MARS2: variants seen among roughly 807,000 people sequenced by gnomAD.
MARS2 encodes the protein methionyl-tRNA synthetase 2, mitochondrial.
MARS2 carries 33 observed loss-of-function variants against 43.8 expected under a neutral mutation model. The ratio of observed to expected loss-of-function variants is 0.75; its 90% CI spans 0.57 to 1.01. The LOEUF is 1.01. MARS2 is among the 50% of genes least tolerant of loss of function. MARS2 has a pLI of 0.00. For synonymous variants in MARS2, 351 were observed against 325.5 expected (o/e 1.08, Z -0.84); for missense variants, 720 against 763.0 (o/e 0.94, Z 0.66).
chr2:197,706,645 A>G lies in MARS2; in HGVS notation c.1240A>G (p.Arg414Gly). Residue 414 changes from arginine (R) to glycine (G), a missense_variant, in exon 1 of 1, where the codon AGA (arginine) becomes GGA (glycine). By Grantham distance (125) the Arg-to-Gly change is moderately radical. Coordinates refer to ENST00000282276, the MANE Select transcript of MARS2 (RefSeq NM_138395.4). ...GGLLNRCTAK[R>G]INPSETYPAF... ...TCTCTTGAACCGATGCACTGCCAAA[A>G]GAATAAATCCTTCTGAGACCTACCC... is the stretch of plus-strand genomic sequence containing the variant. 6.2e-7 allele frequency: 1 copy of G among 1,614,246 alleles called. No individual in the cohort carries two copies. Among genetic ancestry groups the G allele is most frequent in the South Asian group, 1.1e-5 (1 of 91,084 alleles).
Position 197,706,185 on chromosome 2 carries a change from C to A in MARS2, c.780C>A (p.Ser260Arg), listed in dbSNP as rs2089473898. 6.2e-7 allele frequency: 1 copy of A among 1,614,240 alleles called. No individual in the cohort carries two copies. The highest frequency in any genetic ancestry group is 8.5e-7 in the Non-Finnish European group (1 of 1,180,040). ...LPDLSVSRRS[S>R]HLHWGIPVPG... ...ACCTGTCCGTGTCTCGCAGAAGTAGCCACTTGCACTGGGGCATTCCGGTGC... is the reference window on the plus strand; with the variant it reads ...ACCTGTCCGTGTCTCGCAGAAGTAGACACTTGCACTGGGGCATTCCGGTGC... Residue 260 changes from serine to arginine, a missense_variant, in exon 1 of 1, where the codon AGC (serine) becomes AGA (arginine). Physicochemically the swap from Ser to Arg is moderately radical, Grantham distance 110 (BLOSUM62 -1). Coordinates refer to ENST00000282276, the MANE Select transcript of MARS2 (RefSeq NM_138395.4).
In MARS2 at chr2:197,708,174, G is replaced by C. The variant is rs2089491246; in HGVS notation, c.*987G>C. 6.0e-6 allele frequency: 1 copy of C among 167,016 alleles called. No homozygotes were observed. The highest frequency in any genetic ancestry group is 1.5e-5 in the Non-Finnish European group (1 of 68,096). The allele number at this position is 167,016 out of a possible 1,614,324, so 10.3% of individuals were successfully genotyped here. Reference sequence around the variant, plus strand: ...TTAAAAATTTGTAAATAGTTCAAAAGGGCAATGTTTTCTTTATATTTCTTA... The same window carrying C: ...TTAAAAATTTGTAAATAGTTCAAAACGGCAATGTTTTCTTTATATTTCTTA... On this transcript the variant is annotated 3_prime_UTR_variant, in exon 1 of 1. Transcript: ENST00000282276.
At position 197,705,855 on chromosome 2, in the gene MARS2, CT is replaced by C; in HGVS notation, c.451del (p.Trp151GlyfsTer91). 6.2e-7 allele frequency: 1 copy of C among 1,613,970 alleles called. No individual in the cohort carries two copies. Among genetic ancestry groups the C allele is most frequent in the Non-Finnish European group, 8.5e-7 (1 of 1,180,046 alleles). On this transcript the variant is annotated frameshift_variant, in exon 1 of 1. Transcript: ENST00000282276. LOFTEE classifies it high-confidence loss of function. The stretch of plus-strand genomic sequence containing the variant: ...GGCACCGGGTGGCTGTGCAGCACTT[CT>C]GGGGGGTGCTTAAGTCCCGCGGTCT... ...ARHRVAVQHF[W>X]GVLKSRGLLY...
Position 197,705,988 on chromosome 2 carries a change from G to A in MARS2, c.583G>A (p.Val195Ile), listed in dbSNP as rs1403413316. Residue 195 changes from valine to isoleucine, a missense_variant, in exon 1 of 1, where the codon GTA becomes ATA. Coordinates refer to ENST00000282276, the MANE Select transcript of MARS2 (RefSeq NM_138395.4). The stretch of plus-strand genomic sequence containing the variant: ...GGGCCCATCGGGGGATTCGTTTCCT[G>A]TATCTCTCGAGAGCGGGCATCCAGT... ...QPGPSGDSFP[V>I]SLESGHPVSW... The A allele has an allele frequency of 6.2e-6, 10 of 1,614,194 alleles. No homozygotes were observed. The highest frequency in any genetic ancestry group is 8.5e-6 in the Non-Finnish European group (10 of 1,180,042).
In MARS2 at chr2:197,705,909, G is replaced by C. The variant is rs368230809; in HGVS notation, c.504G>C (p.Trp168Cys). 1 of 1,614,186 alleles carries C rather than the reference G, an allele frequency of 6.2e-7. No individual in the cohort carries two copies. The highest frequency in any genetic ancestry group is 8.5e-7 in the Non-Finnish European group (1 of 1,180,052). ...GLLYKGVYEG[W>C]YCASDECFLP... ...TCTACAAGGGCGTCTATGAAGGTTG[G>C]TATTGCGCTTCCGACGAGTGCTTCC... The change falls in exon 1 of 1, where the codon TGG becomes TGC. Residue 168 changes from tryptophan (W) to cysteine (C), a missense_variant. By Grantham distance (215) the Trp-to-Cys change is radical. Transcript: ENST00000282276.
Position 197,708,276 on chromosome 2 carries a change from T to C in MARS2, c.*1089T>C, listed in dbSNP as rs1352130048. 1.2e-5 allele frequency: 2 copies of C among 166,902 alleles called. No individual in the cohort carries two copies. The highest frequency in any genetic ancestry group is 4.8e-5 in the African/African-American group (2 of 41,470). The allele number at this position is 166,902 out of a possible 1,614,324, so 10.3% of individuals were successfully genotyped here. On this transcript the variant is annotated 3_prime_UTR_variant, in exon 1 of 1. Coordinates refer to ENST00000282276, the MANE Select transcript of MARS2 (RefSeq NM_138395.4). ...GTCAATCAGGATCTTTAATACAATATAGAAATTGTGTAATAGTTATTATAA... is the reference window on the plus strand; with the variant it reads ...GTCAATCAGGATCTTTAATACAATACAGAAATTGTGTAATAGTTATTATAA...
In MARS2 at chr2:197,705,821, CG is replaced by C; in HGVS notation, c.418del (p.Glu140ArgfsTer102). 1 of 1,613,828 alleles carries C rather than the reference CG, an allele frequency of 6.2e-7. No homozygotes were observed. The highest frequency in any genetic ancestry group is 8.5e-7 in the Non-Finnish European group (1 of 1,180,050). ...GISCTDFIRT[T>X]EARHRVAVQH... Reference sequence around the variant, plus strand: ...TCCTGCACAGATTTCATCCGCACCACGGAGGCCCGGCACCGGGTGGCTGTGC... The same window carrying C: ...TCCTGCACAGATTTCATCCGCACCACGAGGCCCGGCACCGGGTGGCTGTGC... On this transcript the variant is annotated frameshift_variant, in exon 1 of 1. Transcript: ENST00000282276. LOFTEE classifies it high-confidence loss of function.
At position 197,707,056 on chromosome 2, in the gene MARS2, C is replaced by T. The variant is rs752423419; in HGVS notation, c.1651C>T (p.Leu551Phe). Residue 551 changes from leucine (L) to phenylalanine (F), a missense_variant, in exon 1 of 1, where the codon CTC becomes TTC. Physicochemically the swap from Leu to Phe is conservative, Grantham distance 22. Coordinates refer to ENST00000282276, the MANE Select transcript of MARS2 (RefSeq NM_138395.4). Reference protein sequence around the residue: ...VSASERSLGELYFLPRFYGHP... With the variant: ...VSASERSLGEFYFLPRFYGHP... Reference sequence around the variant, plus strand: ...TGCCTCAGAGAGGAGTCTTGGAGAGCTCTATTTCTTGCCTCGATTCTATGG... The same window carrying T: ...TGCCTCAGAGAGGAGTCTTGGAGAGTTCTATTTCTTGCCTCGATTCTATGG... 8.1e-6 allele frequency: 13 copies of T among 1,614,126 alleles called. No homozygotes were observed. The highest frequency in any genetic ancestry group is 1.1e-5 in the Non-Finnish European group (13 of 1,180,028).
At position 197,707,195 on chromosome 2, in the gene MARS2, G is replaced by A. The variant is rs752190731; in HGVS notation, c.*8G>A. The stretch of plus-strand genomic sequence containing the variant: ...AAAGCCCACCGGACCTAGAAACTCA[G>A]TTCTTACCGGCTTGTGGTAAAAAAG... On this transcript the variant is annotated 3_prime_UTR_variant, in exon 1 of 1. Transcript: ENST00000282276. The A allele has an allele frequency of 6.3e-7, 1 of 1,588,004 alleles. No individual in the cohort carries two copies. The highest frequency in any genetic ancestry group is 1.1e-5 in the South Asian group (1 of 87,260).
chr2:197,705,413 GA>G lies in MARS2; in HGVS notation c.10del (p.Thr4ArgfsTer7), dbSNP rs2089464861. 12 of 1,608,842 alleles carry G rather than the reference GA, an allele frequency of 7.5e-6. No individual in the cohort carries two copies. The highest frequency in any genetic ancestry group is 1.0e-5 in the Non-Finnish European group (12 of 1,178,180). On this transcript the variant is annotated frameshift_variant, in exon 1 of 1. Coordinates refer to ENST00000282276, the MANE Select transcript of MARS2 (RefSeq NM_138395.4). LOFTEE classifies it high-confidence loss of function. ...TTGCGGCCGGTCTGCACCATGCTGC[GA>G]ACGTCCGTCCTCCGCCTGCTAGGAC... The part of the protein sequence containing the change: ML[R>X]TSVLRLLGRT...
rs2089490782 is a variant in MARS2 at position 197,708,102 on chromosome 2, T to C, written c.*915T>C. On this transcript the variant is annotated 3_prime_UTR_variant, in exon 1 of 1. Transcript: ENST00000282276. The stretch of plus-strand genomic sequence containing the variant: ...ATTATAAAACTCTTGAGGCACTTGG[T>C]ATGTTAAAAATTTTAAACTTTAGTA... 1 of 167,196 alleles carries C rather than the reference T, an allele frequency of 6.0e-6. No homozygotes were observed. Among genetic ancestry groups the C allele is most frequent in the African/African-American group, 2.4e-5 (1 of 41,468 alleles). 10.4% of individuals were successfully genotyped at this position (167,196 alleles called of 1,614,324 possible).
rs778686959 is a variant in MARS2 at position 197,706,925 on chromosome 2, G to T, written c.1520G>T (p.Gly507Val). The T allele has an allele frequency of 1.2e-6, 2 of 1,614,072 alleles. No homozygotes were observed. The highest frequency in any genetic ancestry group is 2.7e-5 in the African/African-American group (2 of 74,948). The change falls in exon 1 of 1, where the codon GGT becomes GTT. Residue 507 changes from glycine (G) to valine (V), a missense_variant. By Grantham distance (109) the Gly-to-Val change is moderately radical (BLOSUM62 -3). Coordinates refer to ENST00000282276, the MANE Select transcript of MARS2 (RefSeq NM_138395.4). ...WESPVDAPWLGTVLHVALECL... is the reference protein window; with the variant it reads ...WESPVDAPWLVTVLHVALECL... ...AGCCCAGTGGATGCTCCCTGGCTGGGTACTGTGCTTCATGTGGCCTTGGAA... is the reference window on the plus strand; with the variant it reads ...AGCCCAGTGGATGCTCCCTGGCTGGTTACTGTGCTTCATGTGGCCTTGGAA...
In MARS2 at chr2:197,706,704, A is replaced by G. The variant is rs1488669902; in HGVS notation, c.1299A>G (p.Pro433=). The part of the protein sequence containing the change: ...AFCTTCFPSE[P]GLVGPSVRAQ... Reference sequence around the variant, plus strand: ...GCACTACCTGCTTCCCTAGTGAGCCAGGGTTGGTGGGGCCGTCAGTTCGTG... The same window carrying G: ...GCACTACCTGCTTCCCTAGTGAGCCGGGGTTGGTGGGGCCGTCAGTTCGTG... Residue 433 remains proline (P), a synonymous_variant, in exon 1 of 1, where the codon CCA becomes CCG. Coordinates refer to ENST00000282276, the MANE Select transcript of MARS2 (RefSeq NM_138395.4). The G allele has an allele frequency of 1.2e-6, 2 of 1,614,076 alleles. No homozygotes were observed.
In MARS2 at chr2:197,706,549, T is replaced by TG; in HGVS notation, c.1147dup (p.Asp383GlyfsTer3). ...TCTCCTTCGGCAGGGCGTCCCCAAC[T>TG]GGGACTGTGACTACTATGATGAAAA... is the stretch of plus-strand genomic sequence containing the variant. On this transcript the variant is annotated frameshift_variant, in exon 1 of 1. Coordinates refer to ENST00000282276, the MANE Select transcript of MARS2 (RefSeq NM_138395.4). LOFTEE classifies it high-confidence loss of function. 1 of 1,614,246 alleles carries TG rather than the reference T, an allele frequency of 6.2e-7. No homozygotes were observed. Among genetic ancestry groups the TG allele is most frequent in the Non-Finnish European group, 8.5e-7 (1 of 1,180,050 alleles).
chr2:197,707,232 T>C lies in MARS2; in HGVS notation c.*45T>C, dbSNP rs1381665625. On this transcript the variant is annotated 3_prime_UTR_variant, in exon 1 of 1. Coordinates refer to ENST00000282276, the MANE Select transcript of MARS2 (RefSeq NM_138395.4). Reference sequence around the variant, plus strand: ...TTGTGGTAAAAAAGCAAATGTGTTATCTTTTTATTTTTTATTTTCAGGAAA... The same window carrying C: ...TTGTGGTAAAAAAGCAAATGTGTTACCTTTTTATTTTTTATTTTCAGGAAA... 6.6e-7 allele frequency: 1 copy of C among 1,506,656 alleles called. No individual in the cohort carries two copies. Among genetic ancestry groups the C allele is most frequent in the Non-Finnish European group, 9.0e-7 (1 of 1,114,570 alleles). The allele number at this position is 1,506,656 out of a possible 1,614,324, so 93.3% of individuals were successfully genotyped here. A position where few individuals can be genotyped will look rare whatever the true frequency, so the allele number is the denominator to read the frequency against.
Position 197,706,323 on chromosome 2 carries a change from T to C in MARS2, c.918T>C (p.His306=), listed in dbSNP as rs1311815616. 1.2e-6 allele frequency: 2 copies of C among 1,614,200 alleles called. No homozygotes were observed. Among genetic ancestry groups the C allele is most frequent in the African/African-American group, 1.3e-5 (1 of 75,062 alleles). ...EFKSWWPATS[H]IIGKDILKFH... ...AATCTTGGTGGCCGGCCACCTCTCA[T>C]ATCATAGGTAAGGACATTCTCAAAT... The change falls in exon 1 of 1, where the codon CAT becomes CAC. Residue 306 remains histidine, a synonymous_variant. Coordinates refer to ENST00000282276, the MANE Select transcript of MARS2 (RefSeq NM_138395.4).
At position 197,707,064 on chromosome 2, in the gene MARS2, C is replaced by G. The variant is rs377645042; in HGVS notation, c.1659C>G (p.Phe553Leu). 8 of 1,614,034 alleles carry G rather than the reference C, an allele frequency of 5.0e-6. No individual in the cohort carries two copies. Among genetic ancestry groups the G allele is most frequent in the Non-Finnish European group, 1.7e-6 (2 of 1,180,044 alleles). ...AGAGGAGTCTTGGAGAGCTCTATTT[C>G]TTGCCTCGATTCTATGGACATCCAT... ...ASERSLGELYFLPRFYGHPCP... is the reference protein window; with the variant it reads ...ASERSLGELYLLPRFYGHPCP... Residue 553 changes from phenylalanine (F) to leucine (L), a missense_variant, in exon 1 of 1, where the codon TTC (phenylalanine) becomes TTG (leucine). Transcript: ENST00000282276.
In MARS2 at chr2:197,706,963, T is replaced by C; in HGVS notation, c.1558T>C (p.Phe520Leu). ...TGTGGCCTTGGAATGTTTGCGAGTC[T>C]TTGGGACTTTGCTGCAGCCTGTCAC... is the stretch of plus-strand genomic sequence containing the variant. Reference protein sequence around the residue: ...LHVALECLRVFGTLLQPVTPS... With the variant: ...LHVALECLRVLGTLLQPVTPS... The change falls in exon 1 of 1, where the codon TTT becomes CTT. Residue 520 changes from phenylalanine to leucine, a missense_variant. Coordinates refer to ENST00000282276, the MANE Select transcript of MARS2 (RefSeq NM_138395.4). The C allele has an allele frequency of 6.2e-7, 1 of 1,614,148 alleles. No homozygotes were observed. The highest frequency in any genetic ancestry group is 1.3e-5 in the African/African-American group (1 of 75,050).
rs761685464 is a variant in MARS2 at position 197,705,615 on chromosome 2, C to A, written c.210C>A (p.Asp70Glu). The A allele has an allele frequency of 2.5e-6, 4 of 1,611,834 alleles. No individual in the cohort carries two copies. The highest frequency in any genetic ancestry group is 1.7e-4 in the Middle Eastern group (1 of 6,054). Residue 70 changes from aspartate to glutamate, a missense_variant, in exon 1 of 1, where the codon GAC becomes GAA. By Grantham distance (45) the Asp-to-Glu change is conservative (BLOSUM62 2). Coordinates refer to ENST00000282276, the MANE Select transcript of MARS2 (RefSeq NM_138395.4). ...IGHLYSALLA[D>E]ALCRHRRLRG... ...ACCTGTACTCGGCACTACTGGCGGA[C>A]GCCCTATGCCGCCACCGTCGCCTCC...
Sources: allele counts gnomAD v4.1 joint callset, GRCh38; gene constraint gnomAD v4.1.1; transcripts MANE v1.5; gene names NCBI Gene and HGNC (gene_info 2026-07-23, HGNC 2026-07-21).